Variants in PRKAG1 observed in about 807,000 individuals in gnomAD.
PRKAG1 encodes the protein protein kinase AMP-activated non-catalytic subunit gamma 1.
Under a neutral mutation model 48.2 loss-of-function variants are expected in PRKAG1, and 27 were observed. The observed-to-expected ratio is 0.56, with a 90% CI of 0.41 to 0.77. The LOEUF (loss-of-function observed/expected upper bound fraction) is 0.77. Among genes scored for constraint, PRKAG1 ranks in the 30% least tolerant of loss-of-function variants. The pLI is 0.00. For missense variants in PRKAG1, 287 were observed against 398.3 expected, an observed-to-expected ratio of 0.72 and a Z score of 2.38; for synonymous variants, 130 against 147.7, an observed-to-expected ratio of 0.88 and a Z score of 0.87.
Position 49,003,188 on chromosome 12 carries a change from G to C in PRKAG1, c.844C>G (p.His282Asp), listed in dbSNP as rs780370750. 6.2e-7 allele frequency: 1 copy of C among 1,614,182 alleles called. No individual in the cohort carries two copies. Among genetic ancestry groups the C allele is most frequent in the Non-Finnish European group, 8.5e-7 (1 of 1,180,032 alleles). ...TTGATGATGGTCTCCAGAGTCTCAT[G>C]CAGGTAGCACTTGAGAACACCCTCA... The part of the protein sequence containing the change: ...YFEGVLKCYL[H>D]ETLETIINRL... The change falls in exon 11 of 12, where the codon CAT becomes GAT. Residue 282 changes from histidine to aspartate, a missense_variant. His to Asp is a moderately conservative substitution (Grantham distance 81, BLOSUM62 -1). This residue lies in a region of PRKAG1 where 224 missense variants were observed against 344.3 expected (regional missense o/e 0.65). Coordinates refer to ENST00000548065, the MANE Select transcript of PRKAG1 (RefSeq NM_002733.5).
chr12:49,013,213 G>T, intron 1 of PRKAG1, 103 bp from the exon 2 acceptor site: 3 of 1,058,758 alleles, frequency 2.8e-6, no homozygotes, highest in Non-Finnish European at 4.3e-6. Context: ...TTTCTTTAAA[G>T]CACTATAAAG....
rs571873600 is a variant in PRKAG1 at position 49,018,560 on chromosome 12, T to G, written c.9+172A>C. ...GGGGACGCGGCCCAGTTCCAGGAGA[T>G]GCGCCCAACGAAGAAGCGGAGGAAC... On this transcript the variant is annotated intron_variant, in intron 1 of 11. Transcript: ENST00000548065. The G allele has an allele frequency of 4.1e-6, 6 of 1,474,712 alleles. No individual in the cohort carries two copies. The African/African-American group carries it at 8.6e-5, about 21-fold the overall frequency. 91.4% of individuals were successfully genotyped at this position (1,474,712 alleles called of 1,614,324 possible).
intron 8 of PRKAG1, 181 bp downstream of exon 8, chr12:49,004,326 G>A: frequency 1.4e-6 from 1 of 696,292 alleles, no homozygotes; most frequent in African/African-American, 1.8e-5. Context: ...AAGTGGGGCT[G>A]GATGCAGTGG....
chr12:49,012,130 TAC>T (rs1178754577), intron 2 of PRKAG1, among the ~76,000 whole-genome samples: 1 of 152,222 alleles, frequency 6.6e-6, no homozygotes, highest in East Asian at 1.9e-4. Context: ...GTGCTGGGAA[TAC>T]AGTCATGAAT....
Position 49,013,109 on chromosome 12 carries a change from AC to A in PRKAG1, c.10del (p.Val4SerfsTer30), listed in dbSNP as rs757543869. The A allele has an allele frequency of 2.5e-6, 4 of 1,613,288 alleles. No homozygotes were observed. In the African/African-American group the frequency reaches 5.3e-5, roughly 22 times the overall value. MET[V>X]ISSDSSPAVE... is the part of the protein sequence containing the mutation. ...AGCTGGGGAGCTATCTGAAGAAATGACCTGGAGAGATAAGAAAACAGATTCA... is the reference window on the plus strand; with the variant it reads ...AGCTGGGGAGCTATCTGAAGAAATGACTGGAGAGATAAGAAAACAGATTCA... On this transcript the variant is annotated frameshift_variant and splice_region_variant, in exon 2 of 12. Coordinates refer to ENST00000548065, the MANE Select transcript of PRKAG1 (RefSeq NM_002733.5). LOFTEE classifies it high-confidence loss of function.
At chr12:49,010,797 CT>C (rs1404075187) in intron 2 of PRKAG1, among the ~76,000 whole-genome samples, 1 of 151,074 alleles carries the variant, frequency 6.6e-6, no homozygotes, top group Non-Finnish European at 1.5e-5. Context: ...AAAAAAATTC[CT>C]TTATGGTGGT....
rs948096717 is a variant in PRKAG1, at chr12:49,002,894, C to A, written c.*5G>T. The A allele has an allele frequency of 1.7e-5, 28 of 1,612,956 alleles. No individual in the cohort carries two copies. Among genetic ancestry groups the A allele is most frequent in the Non-Finnish European group, 2.3e-5 (27 of 1,178,954 alleles). Reference sequence around the variant, plus strand: ...CCCTGGTGCTGCATGACCCCTTCCCCCAGCTCAGGGCTTCTTCTCTCCACC... The same window carrying A: ...CCCTGGTGCTGCATGACCCCTTCCCACAGCTCAGGGCTTCTTCTCTCCACC... On this transcript the variant is annotated 3_prime_UTR_variant, in exon 12 of 12. Coordinates refer to ENST00000548065, the MANE Select transcript of PRKAG1 (RefSeq NM_002733.5).
At chr12:49,015,341 A>C (rs2137683032) in intron 1 of PRKAG1, among the ~76,000 whole-genome samples, 1 of 152,354 alleles carries the variant, frequency 6.6e-6, no homozygotes, top group Non-Finnish European at 1.5e-5. Context: ...ATCCAAACAG[A>C]TTATAAATTC....
At chr12:49,018,427 G>A in intron 1 of PRKAG1, 2 of 1,304,446 alleles carry the variant, frequency 1.5e-6, no homozygotes, top group Non-Finnish European at 2.0e-6. Flanking sequence ...GGCTTGAGGT[G>A]CCAATAGGAA....
intron 2 of PRKAG1, chr12:49,008,280 T>C (rs1335360603): frequency 6.6e-6 from 1 of 152,206 alleles, no homozygotes; most frequent in Non-Finnish European, 1.5e-5. Context: ...GTCCTTTTGT[T>C]TAATTTTCTA....
chr12:49,010,066 A>G (rs1941695905), intron 2 of PRKAG1, among the ~76,000 whole-genome samples: 1 of 151,992 alleles, frequency 6.6e-6, no homozygotes, highest in Admixed American at 6.6e-5. Context: ...TGAGGTTGGG[A>G]GAGGCAGTTT....
At position 49,018,680 on chromosome 12, in the gene PRKAG1, G is replaced by T. The variant is rs368767405; in HGVS notation, c.9+52C>A. ...GCCCTCCCGGTCTCCTAAGGGTTGG[G>T]GGGGTGTCTTAGGCTCCACAGCGCC... On this transcript the variant is annotated intron_variant, in intron 1 of 11. Transcript: ENST00000548065. The T allele has an allele frequency of 7.7e-5, 125 of 1,613,418 alleles. No individual in the cohort carries two copies. The African/African-American group carries it at 1.0e-3, about 13-fold the overall frequency.
In PRKAG1 at chr12:49,002,761, C is replaced by G; in HGVS notation, c.*138G>C. 3.6e-6 allele frequency: 3 copies of G among 822,062 alleles called. No homozygotes were observed. Among genetic ancestry groups the G allele is most frequent in the South Asian group, 1.4e-5 (1 of 69,464 alleles). 50.9% of individuals were successfully genotyped at this position (822,062 alleles called of 1,614,324 possible). On this transcript the variant is annotated 3_prime_UTR_variant, in exon 12 of 12. Coordinates refer to ENST00000548065, the MANE Select transcript of PRKAG1 (RefSeq NM_002733.5). ...CTTTCCTCCCCCATACCTTCCCTAG[C>G]TCCCAGATAGAAGGGCAGGGGACCC...
rs1941506590 is a variant in PRKAG1 at position 49,005,648 on chromosome 12, C to T, written c.168+95G>A. 6.2e-7 allele frequency: 1 copy of T among 1,610,646 alleles called. No individual in the cohort carries two copies. Among genetic ancestry groups the T allele is most frequent in the Non-Finnish European group, 8.5e-7 (1 of 1,177,694 alleles). On this transcript the variant is annotated intron_variant, in intron 3 of 11. Transcript: ENST00000548065. This position sits in a 1 kb window ranked among gnomAD's most constrained non-coding sequence, Gnocchi z 4.1. The stretch of plus-strand genomic sequence containing the variant: ...TGGGTAAAACATGAGACTAACTTCA[C>T]AGAAGGATAAGGATATTACCCTTAG...
intron 1 of PRKAG1, among the ~76,000 whole-genome samples, chr12:49,013,390 G>A (rs536194781): frequency 1.3e-3 from 205 of 152,160 alleles, no homozygotes; most frequent in Non-Finnish European, 1.9e-3. Context: ...GACTACAGGT[G>A]CAAGCCACTA....
intron 1 of PRKAG1, chr12:49,018,530 G>C: frequency 7.0e-7 from 1 of 1,436,272 alleles, no homozygotes; most frequent in Non-Finnish European, 9.1e-7. Context: ...GTACGGAAAG[G>C]CGGCGGGGAC....
At chr12:49,016,119 T>G (rs543803237) in intron 1 of PRKAG1, among the ~76,000 whole-genome samples, 21 of 152,150 alleles carry the variant, frequency 1.4e-4, no homozygotes, top group African/African-American at 5.1e-4. Flanking sequence ...TGTATTTTTT[T>G]GTAGAGATGG....
At chr12:49,018,684 G>T (rs1033272207) in intron 1 of PRKAG1, 48 bp downstream of exon 1, 4 of 1,613,502 alleles carry the variant, frequency 2.5e-6, no homozygotes, top group African/African-American at 1.3e-5. Context: ...GGTTGGGGGG[G>T]TGTCTTAGGC....
rs1565733472 is a variant in PRKAG1 at position 49,005,198 on chromosome 12, ATC to A, written c.310-35_310-34del. 2 of 1,613,790 alleles carry A rather than the reference ATC, an allele frequency of 1.2e-6. No homozygotes were observed. Among genetic ancestry groups the A allele is most frequent in the East Asian group, 2.2e-5 (1 of 44,872 alleles). ...CAGAAGCAACAGAATTTGAGACCTG[ATC>A]TCTCTGCTTCCTTAAGCCCTCGTGG... is the stretch of plus-strand genomic sequence containing the variant. On this transcript the variant is annotated intron_variant, in intron 5 of 11. Transcript: ENST00000548065. This position sits in a 1 kb window ranked among gnomAD's most constrained non-coding sequence, Gnocchi z 4.1.
Sources: allele counts gnomAD v4.1 joint callset (sites outside exome capture counted in the v4.1 genomes callset), GRCh38; gene constraint gnomAD v4.1.1; regional missense constraint gnomAD v4.1.1; non-coding constraint Gnocchi (gnomAD v3.1); transcripts MANE v1.5; gene names NCBI Gene and HGNC (gene_info 2026-07-23, HGNC 2026-07-21).